Variants in DMD observed in about 807,000 individuals in gnomAD.
DMD encodes mutant dystrophin.
In DMD, 63 loss-of-function variants were observed where a neutral mutation model predicts 330.1. The ratio of observed to expected loss-of-function variants is 0.19; its 90% confidence interval spans 0.16 to 0.24. The LOEUF (loss-of-function observed/expected upper bound fraction) is 0.24, where lower values mean the gene tolerates loss of function less well. Ranked by LOEUF, DMD falls within the 10% of genes least tolerant of loss-of-function variation. The pLI is 1.00. For missense variants in DMD, 3,344 were observed against 2,684.1 expected, an observed-to-expected ratio of 1.25 and a Z score of -5.43; for synonymous variants, 1,223 against 959.8, an observed-to-expected ratio of 1.27 and a Z score of -5.07.
chrX:32,939,831 T>C (rs943144582), intron 2 of DMD, among the ~76,000 whole-genome samples: 4 of 109,391 alleles, frequency 3.7e-5, no homozygotes, highest in Non-Finnish European at 7.6e-5. Context: ...AAGAGGTGAA[T>C]GATCTCTATG....
intron 43 of DMD, among the ~76,000 whole-genome samples, chrX:32,239,536 T>C (rs2168565): frequency 0.36 from 39,331 of 110,608 alleles, 5,560 homozygotes; most frequent in African/African-American, 0.52. Flanking sequence ...TCATTAACAC[T>C]CGAAGTCCAT....
chrX:32,608,661 C>T (rs1262018567), intron 12 of DMD, among the ~76,000 whole-genome samples: 1 of 110,034 alleles, frequency 9.1e-6, no homozygotes, highest in Admixed American at 9.7e-5. Flanking sequence ...ATGATGGAGA[C>T]GATTTGGATA....
chrX:32,764,197 C>G (rs759399888), intron 7 of DMD, among the ~76,000 whole-genome samples: 2 of 110,113 alleles, frequency 1.8e-5, no homozygotes, highest in South Asian at 7.6e-4. Flanking sequence ...CAATTGAGCA[C>G]AACTACATTA....
intron 45 of DMD, among the ~76,000 whole-genome samples, chrX:31,944,809 A>G (rs1323204183): frequency 9.0e-6 from 1 of 110,975 alleles, no homozygotes; most frequent in South Asian, 3.8e-4. Flanking sequence ...CGCCTGGCCA[A>G]GATAATTTTT....
chrX:32,659,085 A>G (rs899554035), intron 9 of DMD, among the ~76,000 whole-genome samples: 2 of 112,042 alleles, frequency 1.8e-5, no homozygotes, highest in African/African-American at 6.5e-5. Context: ...AGTGCAACCC[A>G]GAATAGAGAA....
At chrX:33,188,446 A>G (rs1451213326) in intron 1 of DMD, among the ~76,000 whole-genome samples, 1 of 110,300 alleles carries the variant, frequency 9.1e-6, no homozygotes, top group East Asian at 2.9e-4. Flanking sequence ...TACTTCCCAC[A>G]AAGGATCAAT....
At chrX:31,487,261 A>AT (rs780359409) in intron 57 of DMD, among the ~76,000 whole-genome samples, 1,391 of 101,031 alleles carry the variant, frequency 0.014, 14 homozygotes, top group Middle Eastern at 0.031. Flanking sequence ...CTGTTAACAC[A>AT]TTTTTTTTTT....
intron 5 of DMD, among the ~76,000 whole-genome samples, chrX:32,821,525 T>C (rs911530537): frequency 4.6e-4 from 50 of 109,147 alleles, no homozygotes; most frequent in Non-Finnish European, 6.7e-4. Flanking sequence ...GAGGCGGAGC[T>C]TGCAGTGAGC....
At chrX:33,338,403 G>C (rs1278518401) in intron 1 of DMD, among the ~76,000 whole-genome samples, 1 of 108,364 alleles carries the variant, frequency 9.2e-6, no homozygotes, top group African/African-American at 3.4e-5. Context: ...ACAGAGAAAG[G>C]GTTCTAAAAA....
At chrX:32,318,360 C>A (rs1314413948) in intron 41 of DMD, among the ~76,000 whole-genome samples, 1 of 111,542 alleles carries the variant, frequency 9.0e-6, no homozygotes, top group East Asian at 2.8e-4. Flanking sequence ...AACAAAACAA[C>A]ATGATGCAGG....
intron 51 of DMD, among the ~76,000 whole-genome samples, chrX:31,767,924 T>C (rs1212183383): frequency 1.8e-5 from 2 of 112,115 alleles, no homozygotes; most frequent in Non-Finnish European, 3.8e-5. Flanking sequence ...CTATACCCAC[T>C]AAAACTGCTC....
Position 32,037,260 on chromosome X carries a change from A to G in DMD, c.6439-68746T>C, listed in dbSNP as rs16990068. ...GGATGATGTGAAAAATCATGTCTTC[A>G]TGAGCAAGCAATGTGGAGGCAGTAT... On this transcript the variant is annotated intron_variant, in intron 44 of 78. Transcript: ENST00000357033. Among the ~76,000 whole-genome samples, 767 of 112,066 alleles carry G rather than the reference A, an allele frequency of 6.8e-3. 5 individuals are homozygous for G. The highest frequency in any genetic ancestry group is 0.024 in the African/African-American group (737 of 30,900).
At chrX:32,536,961 A>G (rs2048048061) in intron 17 of DMD, among the ~76,000 whole-genome samples, 1 of 112,166 alleles carries the variant, frequency 8.9e-6, no homozygotes, top group African/African-American at 3.2e-5. Flanking sequence ...AATCAGTTAA[A>G]AATTTCATAC....
intron 45 of DMD, among the ~76,000 whole-genome samples, chrX:31,945,082 C>A (rs930685481): frequency 8.9e-6 from 1 of 111,754 alleles, no homozygotes; most frequent in African/African-American, 3.3e-5. Context: ...AGTTAATGAA[C>A]TGCCTAAATA....
At position 32,729,574 on chromosome X, in the gene DMD, T is replaced by C. The variant is rs536648033; in HGVS notation, c.650-30281A>G. On this transcript the variant is annotated intron_variant, in intron 7 of 78. Transcript: ENST00000357033. ...TTATCTTAACCACCCCCCCAATCTA[T>C]CTTTAACATTTCCACATTTCATATA... Among the ~76,000 whole-genome samples, 98 of 111,896 alleles carry C rather than the reference T, an allele frequency of 8.8e-4. No individual in the cohort carries two copies. The Middle Eastern group carries it at 0.014, about 16-fold the overall frequency.
chrX:31,334,587 T>C (rs1259525469), intron 61 of DMD, among the ~76,000 whole-genome samples: 1 of 111,724 alleles, frequency 9.0e-6, no homozygotes, highest in Non-Finnish European at 1.9e-5. Context: ...AATAATTCTC[T>C]TTTTATCTTC....
At chrX:32,025,224 G>A (rs764961268) in intron 44 of DMD, among the ~76,000 whole-genome samples, 4 of 112,060 alleles carry the variant, frequency 3.6e-5, no homozygotes, top group Admixed American at 9.4e-5. Context: ...ATTTGACTTC[G>A]TATCACTTAA....
At chrX:32,569,286 G>C (rs1393925617) in intron 15 of DMD, among the ~76,000 whole-genome samples, 1 of 111,922 alleles carries the variant, frequency 8.9e-6, no homozygotes, top group African/African-American at 3.2e-5. Flanking sequence ...ATACGCATAA[G>C]AGAATAATGC....
chrX:31,908,793 G>A, intron 47 of DMD, among the ~76,000 whole-genome samples: 1 of 110,806 alleles, frequency 9.0e-6, no homozygotes, highest in South Asian at 3.9e-4. Context: ...GGGCAAGGGG[G>A]ACAGGGTATT....
Sources: allele counts gnomAD v4.1 joint callset (sites outside exome capture counted in the v4.1 genomes callset), GRCh38; gene constraint gnomAD v4.1.1; transcripts MANE v1.5; gene names NCBI Gene and HGNC (gene_info 2026-07-23, HGNC 2026-07-21).